The following CRYM variants were observed in gnomAD, a reference collection of about 807,000 sequenced individuals.
The protein encoded by CRYM is ketimine reductase mu-crystallin.
A neutral mutation model predicts 32.9 loss-of-function variants in CRYM; 18 were observed. The observed-to-expected ratio is 0.55, with a 90% CI of 0.38 to 0.81. CRYM has a LOEUF of 0.81. Ranked by LOEUF, CRYM falls within the 30% of genes least tolerant of loss-of-function variation. The pLI is 0.00. For synonymous variants in CRYM, 153 were observed against 152.4 expected, an observed-to-expected ratio of 1.00 and a Z score of -0.03; for missense variants, 337 against 393.5, an observed-to-expected ratio of 0.86 and a Z score of 1.21.
At chr16:21,272,109 T>C (rs1484892258) in intron 3 of CRYM, among the ~76,000 whole-genome samples, 1 of 151,742 alleles carries the variant, frequency 6.6e-6, no homozygotes, top group Non-Finnish European at 1.5e-5. Flanking sequence ...GTGATCCACC[T>C]GCCTCGGCCT....
At chr16:21,278,313 C>T, upstream of CRYM, 1 of 1,534,618 alleles carries the variant, frequency 6.5e-7, no homozygotes, top group South Asian at 1.2e-5. Flanking sequence ...CTCGGCTGTG[C>T]CCTTTATGAG....
intron 5 of CRYM, among the ~76,000 whole-genome samples, chr16:21,263,977 G>A (rs917169872): frequency 6.6e-6 from 1 of 152,204 alleles, no homozygotes; most frequent in Non-Finnish European, 1.5e-5. Context: ...CACTCCTTGA[G>A]TTTTAGATTA....
At chr16:21,299,892 C>T (rs1452286628) in intron 1 of CRYM, 1 of 152,126 alleles carries the variant, frequency 6.6e-6, no homozygotes, top group African/African-American at 2.4e-5. Flanking sequence ...ATTCACCGGT[C>T]CTATTATCCT....
chr16:21,298,670 G>A (rs1240893450), intron 1 of CRYM, among the ~76,000 whole-genome samples: 1 of 152,198 alleles, frequency 6.6e-6, no homozygotes, highest in Non-Finnish European at 1.5e-5. Context: ...AAAAGCAATG[G>A]ATACTTTTTA....
intron 6 of CRYM, 116 bp downstream of exon 6, chr16:21,261,921 G>C (rs1238477590): frequency 1.6e-6 from 2 of 1,257,990 alleles, no homozygotes; most frequent in Non-Finnish European, 2.3e-6. Flanking sequence ...CCCCTACAAG[G>C]AGGTGGGGTG....
intron 1 of CRYM, among the ~76,000 whole-genome samples, chr16:21,298,880 CAT>C (rs1357050009): frequency 8.5e-5 from 13 of 152,278 alleles, no homozygotes; most frequent in South Asian, 8.3e-4. Context: ...CTGTTACAAA[CAT>C]GTGTTTTTTC....
intron 1 of CRYM, among the ~76,000 whole-genome samples, chr16:21,297,287 G>T (rs538303192): frequency 2.0e-5 from 3 of 151,718 alleles, no homozygotes; most frequent in Admixed American, 1.3e-4. Context: ...CAAGCTACTC[G>T]GGAGGCTGAG....
At chr16:21,274,501 G>A (rs533546727) in intron 3 of CRYM, among the ~76,000 whole-genome samples, 9 of 152,030 alleles carry the variant, frequency 5.9e-5, no homozygotes, top group Non-Finnish European at 1.0e-4. Context: ...TTCTAAGCAC[G>A]CTATTAATCA....
At chr16:21,272,752 C>A (rs2093378268) in intron 3 of CRYM, among the ~76,000 whole-genome samples, 1 of 149,226 alleles carries the variant, frequency 6.7e-6, no homozygotes, top group Non-Finnish European at 1.5e-5. Flanking sequence ...AGGATTCAAG[C>A]AATTCCCTTG....
At chr16:21,288,360 T>G (rs985269074) in intron 1 of CRYM, among the ~76,000 whole-genome samples, 2 of 152,242 alleles carry the variant, frequency 1.3e-5, no homozygotes, top group African/African-American at 4.8e-5. Context: ...AAATGTGTCC[T>G]TTTCATCTAG....
intron 4 of CRYM, among the ~76,000 whole-genome samples, chr16:21,269,300 T>C (rs2093370147): frequency 6.6e-6 from 1 of 151,756 alleles, no homozygotes; most frequent in South Asian, 2.1e-4. Flanking sequence ...AAAATAACAA[T>C]AGCATCAAAA....
upstream of CRYM, chr16:21,279,097 G>A (rs547058065): frequency 6.6e-6 from 1 of 152,266 alleles, no homozygotes; most frequent in Admixed American, 6.5e-5. Flanking sequence ...GGTTAGATAA[G>A]GGCTTCATGA....
intron 1 of CRYM, among the ~76,000 whole-genome samples, chr16:21,295,862 A>T (rs1283424612): frequency 6.6e-6 from 1 of 151,768 alleles, no homozygotes; most frequent in Non-Finnish European, 1.5e-5. Context: ...AACCCAGGAG[A>T]TGGAGGCTGC....
chr16:21,301,604 C>T (rs573605328), intron 1 of CRYM, among the ~76,000 whole-genome samples: 13 of 152,350 alleles, frequency 8.5e-5, no homozygotes, highest in African/African-American at 3.1e-4. Flanking sequence ...CGTGGGCGCA[C>T]GTGCGGAAGA....
At chr16:21,286,375 G>A (rs985251167) in intron 1 of CRYM, among the ~76,000 whole-genome samples, 27 of 150,956 alleles carry the variant, frequency 1.8e-4, no homozygotes, top group African/African-American at 6.3e-4. Context: ...CGGCCACCAC[G>A]CCCAGCTAAT....
Position 21,277,374 on chromosome 16 carries a change from T to G in CRYM, c.324+57A>C. On this transcript the variant is annotated intron_variant, in intron 2 of 7. Coordinates refer to ENST00000572914, the MANE Select transcript of CRYM (RefSeq NM_001376256.1). This position sits in a 1 kb window ranked among gnomAD's most constrained non-coding sequence, Gnocchi z 4.2. Reference sequence around the variant, plus strand: ...CCCCCTGCTGCGGAGAACTTACTTTTGAGCTTCAATCTGGGCCCAGGGGCC... The same window carrying G: ...CCCCCTGCTGCGGAGAACTTACTTTGGAGCTTCAATCTGGGCCCAGGGGCC... The G allele has an allele frequency of 3.4e-5, 55 of 1,595,818 alleles. No individual in the cohort carries two copies. Among genetic ancestry groups the G allele is most frequent in the Non-Finnish European group, 4.3e-5 (50 of 1,171,444 alleles).
At chr16:21,270,458 AT>A (rs1312842377) in intron 3 of CRYM, among the ~76,000 whole-genome samples, 1 of 151,518 alleles carries the variant, frequency 6.6e-6, no homozygotes, top group Non-Finnish European at 1.5e-5. Flanking sequence ...TAATTTTTGT[AT>A]TTTCGATAGA....
intron 3 of CRYM, among the ~76,000 whole-genome samples, chr16:21,272,563 GA>G (rs1438977231): frequency 1.3e-5 from 2 of 152,042 alleles, no homozygotes; most frequent in African/African-American, 2.4e-5. Flanking sequence ...ATCCCCTACA[GA>G]GACACAGCCA....
chr16:21,262,378 G>T, intron 5 of CRYM: 1 of 462,074 alleles, frequency 2.2e-6, no homozygotes, highest in South Asian at 1.9e-5. Flanking sequence ...AGCACTTTGG[G>T]AGGCTGAGGC....
Sources: allele counts gnomAD v4.1 joint callset (sites outside exome capture counted in the v4.1 genomes callset), GRCh38; gene constraint gnomAD v4.1.1; non-coding constraint Gnocchi (gnomAD v3.1); transcripts MANE v1.5; gene names NCBI Gene and HGNC (gene_info 2026-07-23, HGNC 2026-07-21).